Variants in GPC5 observed in about 807,000 individuals in gnomAD.
GPC5 encodes glypican-5.
GPC5 carries 47 observed loss-of-function variants against 53.9 expected under a neutral mutation model. The ratio of observed to expected loss-of-function variants is 0.87; its 90% CI spans 0.69 to 1.11. GPC5 has a LOEUF of 1.11. Ranked by LOEUF, GPC5 falls within the 50% of genes most tolerant of loss-of-function variation. The probability of loss-of-function intolerance (pLI) is 0.00; values close to 1 mark genes in which losing one functional copy is unlikely to be tolerated. For synonymous variants in GPC5, 286 were observed against 263.3 expected (o/e 1.09, Z -0.84); for missense variants, 748 against 713.1 (o/e 1.05, Z -0.56).
chr13:91,864,300 A>G (rs2039061555), intron 5 of GPC5, among the ~76,000 whole-genome samples: 1 of 152,208 alleles, frequency 6.6e-6, no homozygotes, highest in Non-Finnish European at 1.5e-5. Flanking sequence ...AATTATTGAT[A>G]AATTCACATG....
chr13:92,204,544 A>T (rs1177883415), intron 7 of GPC5, among the ~76,000 whole-genome samples: 2 of 152,138 alleles, frequency 1.3e-5, no homozygotes, highest in Non-Finnish European at 2.9e-5. Flanking sequence ...AGTCCACACA[A>T]CACTACCCTC....
At position 91,820,091 on chromosome 13, in the gene GPC5, A is replaced by T. The variant is rs182624815; in HGVS notation, c.1280+63671A>T. The stretch of plus-strand genomic sequence containing the variant: ...ATCTTAATATTGGTAAGAATTTGTC[A>T]TTGTCATTGTTGGTGGTGGTGGTGG... On this transcript the variant is annotated intron_variant, in intron 5 of 7. Coordinates refer to ENST00000377067, the MANE Select transcript of GPC5 (RefSeq NM_004466.6). Among the ~76,000 whole-genome samples the T allele has an allele frequency of 1.7e-3, 259 of 151,834 alleles. 2 individuals carry two copies. Among genetic ancestry groups the T allele is most frequent in the Middle Eastern group, 6.8e-3 (2 of 294 alleles).
chr13:91,501,466 A>G (rs1229558345), intron 2 of GPC5, among the ~76,000 whole-genome samples: 1 of 151,960 alleles, frequency 6.6e-6, no homozygotes, highest in Non-Finnish European at 1.5e-5. Context: ...TCATTGTTCA[A>G]TTCCCACCTG....
intron 3 of GPC5, among the ~76,000 whole-genome samples, chr13:91,726,826 C>G (rs2036585504): frequency 6.6e-6 from 1 of 152,224 alleles, no homozygotes; most frequent in Non-Finnish European, 1.5e-5. Context: ...TGCACAGCTG[C>G]TGTGATGAGT....
At chr13:91,618,831 C>A (rs752780499) in intron 2 of GPC5, among the ~76,000 whole-genome samples, 80 of 151,950 alleles carry the variant, frequency 5.3e-4, no homozygotes, top group African/African-American at 1.8e-3. Context: ...TACCCATAAC[C>A]TAACTTACAG....
chr13:92,727,213 G>A (rs2139294629), intron 7 of GPC5, among the ~76,000 whole-genome samples: 1 of 151,574 alleles, frequency 6.6e-6, no homozygotes, highest in East Asian at 1.9e-4. Flanking sequence ...TTTGAAATGT[G>A]TGCGTAAACA....
chr13:92,640,990 G>A (rs1313698222), intron 7 of GPC5, among the ~76,000 whole-genome samples: 1 of 151,684 alleles, frequency 6.6e-6, no homozygotes, highest in Non-Finnish European at 1.5e-5. Flanking sequence ...GGGGAGGGGA[G>A]GATGGGGGTG....
At chr13:91,439,984 C>G (rs1293346778) in intron 1 of GPC5, among the ~76,000 whole-genome samples, 1 of 152,082 alleles carries the variant, frequency 6.6e-6, no homozygotes, top group Non-Finnish European at 1.5e-5. Flanking sequence ...TTTTTTCTCC[C>G]CTTTGTTTAC....
chr13:92,424,589 C>T (rs1876740379), intron 7 of GPC5, among the ~76,000 whole-genome samples: 1 of 151,846 alleles, frequency 6.6e-6, no homozygotes, highest in African/African-American at 2.4e-5. Flanking sequence ...CACAGATATA[C>T]TTCATTATTA....
chr13:91,616,805 T>TCACTTTATGTA (rs1290014803), intron 2 of GPC5, among the ~76,000 whole-genome samples: 1 of 152,202 alleles, frequency 6.6e-6, no homozygotes, highest in African/African-American at 2.4e-5. Context: ...ATTAATTTTG[T>TCACTTTATGTA]CACTTTATGT....
At chr13:91,745,815 T>C (rs533233942) in intron 4 of GPC5, among the ~76,000 whole-genome samples, 2 of 152,262 alleles carry the variant, frequency 1.3e-5, no homozygotes, top group South Asian at 4.1e-4. Flanking sequence ...GTGCCATATA[T>C]TGCATTGCTT....
intron 2 of GPC5, among the ~76,000 whole-genome samples, chr13:91,602,999 T>C (rs1199379932): frequency 1.3e-5 from 2 of 152,210 alleles, no homozygotes; most frequent in Non-Finnish European, 2.9e-5. Flanking sequence ...ATGAGGACTT[T>C]CTCTGTGAAA....
At chr13:92,458,553 C>A (rs1878363764) in intron 7 of GPC5, among the ~76,000 whole-genome samples, 1 of 151,958 alleles carries the variant, frequency 6.6e-6, no homozygotes, top group Non-Finnish European at 1.5e-5. Context: ...CTGCTTTGGC[C>A]CCCCAAAGTG....
At chr13:91,882,140 G>A (rs2039270957) in intron 5 of GPC5, among the ~76,000 whole-genome samples, 1 of 151,966 alleles carries the variant, frequency 6.6e-6, no homozygotes, top group Admixed American at 6.6e-5. Flanking sequence ...GGTGATATGG[G>A]GGTGCTTGTT....
chr13:92,655,336 T>TTA lies in GPC5; in HGVS notation c.1562-210945_1562-210944insAT, dbSNP rs1451944672. Among the ~76,000 whole-genome samples, 554 of 137,454 alleles carry TTA rather than the reference T, an allele frequency of 4.0e-3. 2 individuals carry two copies. Among genetic ancestry groups the TTA allele is most frequent in the African/African-American group, 9.2e-3 (351 of 38,272 alleles). The allele number at this position is 137,454 out of a possible 152,430, so 90.2% of individuals were successfully genotyped here. On this transcript the variant is annotated intron_variant, in intron 7 of 7. Transcript: ENST00000377067. ...TTATTTATTTATTTATTTATTTTATTTTTATTTTATTTTTTGAGACAGAGT... is the reference window on the plus strand; with the variant it reads ...TTATTTATTTATTTATTTATTTTATTTATTTATTTTATTTTTTGAGACAGAGT...
intron 7 of GPC5, among the ~76,000 whole-genome samples, chr13:92,484,440 AC>A (rs1193424371): frequency 2.6e-5 from 4 of 152,198 alleles, no homozygotes; most frequent in Admixed American, 2.6e-4. Context: ...AGTATTATGT[AC>A]TATACATAAT....
At chr13:91,452,412 T>C (rs1881247909) in intron 2 of GPC5, among the ~76,000 whole-genome samples, 1 of 152,172 alleles carries the variant, frequency 6.6e-6, no homozygotes, top group Non-Finnish European at 1.5e-5. Context: ...TTGCTGTTCA[T>C]AAATAAGTAG....
chr13:92,420,730 TGA>T (rs1594187339), intron 7 of GPC5, among the ~76,000 whole-genome samples: 2 of 152,182 alleles, frequency 1.3e-5, no homozygotes, highest in African/African-American at 4.8e-5. Context: ...CACAAATAAG[TGA>T]GAACATGAGA....
intron 7 of GPC5, among the ~76,000 whole-genome samples, chr13:92,178,847 T>G (rs1245546607): frequency 6.6e-6 from 1 of 152,042 alleles, no homozygotes; most frequent in Non-Finnish European, 1.5e-5. Flanking sequence ...GTGGTGGCCC[T>G]GTAGTCCCAG....
Sources: allele counts gnomAD v4.1 joint callset (sites outside exome capture counted in the v4.1 genomes callset), GRCh38; gene constraint gnomAD v4.1.1; transcripts MANE v1.5; gene names NCBI Gene and HGNC (gene_info 2026-07-23, HGNC 2026-07-21).